Variants in TMEM132B observed in about 807,000 individuals in gnomAD.
TMEM132B encodes transmembrane protein 132B.
In TMEM132B, 18 loss-of-function variants were observed where a neutral mutation model predicts 90.8. The ratio of observed to expected loss-of-function variants is 0.20; its 90% CI spans 0.14 to 0.29. The LOEUF (loss-of-function observed/expected upper bound fraction) is 0.29. TMEM132B is among the 10% of genes least tolerant of loss of function. The probability of loss-of-function intolerance (pLI) is 1.00; values close to 1 mark genes in which losing one functional copy is unlikely to be tolerated. For missense variants in TMEM132B, 1,096 were observed against 1,326.8 expected (o/e 0.83, Z 2.70); for synonymous variants, 504 against 523.3 (o/e 0.96, Z 0.50).
intron 3 of TMEM132B, among the ~76,000 whole-genome samples, chr12:125,510,891 A>G (rs1727713967): frequency 6.6e-6 from 1 of 152,330 alleles, no homozygotes; most frequent in East Asian, 1.9e-4. Flanking sequence ...ATTTCCTTCT[A>G]TTTAAAAACA....
At chr12:125,531,575 C>T (rs531950355) in intron 4 of TMEM132B, among the ~76,000 whole-genome samples, 1 of 152,234 alleles carries the variant, frequency 6.6e-6, no homozygotes, top group South Asian at 2.1e-4. Context: ...ACAAGTTTGT[C>T]AGTATAATTA....
intron 2 of TMEM132B, among the ~76,000 whole-genome samples, chr12:125,414,920 C>T (rs1439791045): frequency 6.6e-6 from 1 of 152,224 alleles, no homozygotes; most frequent in Non-Finnish European, 1.5e-5. Flanking sequence ...GGCCTTTTCT[C>T]AATGGCAACA....
At chr12:125,576,926 G>C (rs1884953964) in intron 4 of TMEM132B, among the ~76,000 whole-genome samples, 1 of 151,060 alleles carries the variant, frequency 6.6e-6, no homozygotes, top group Non-Finnish European at 1.5e-5. Context: ...ATAATCATTA[G>C]GGATATTGGC....
intron 3 of TMEM132B, among the ~76,000 whole-genome samples, chr12:125,425,687 T>C (rs1351370670): frequency 6.6e-6 from 1 of 152,208 alleles, no homozygotes; most frequent in Non-Finnish European, 1.5e-5. Context: ...TGTCGTATAG[T>C]TGGACTCATA....
intron 5 of TMEM132B, among the ~76,000 whole-genome samples, chr12:125,601,288 T>G (rs1885565033): frequency 6.6e-6 from 1 of 152,136 alleles, no homozygotes; most frequent in African/African-American, 2.4e-5. Context: ...GAAATCAAAT[T>G]AGAACTAAGG....
chr12:125,525,298 CAA>C (rs1883418947), intron 4 of TMEM132B, among the ~76,000 whole-genome samples: 1 of 152,194 alleles, frequency 6.6e-6, no homozygotes, highest in Non-Finnish European at 1.5e-5. Context: ...GTGTCCTCTC[CAA>C]AATTCACGAG....
At chr12:125,317,626 C>T (rs1010661683) in intron 1 of TMEM132B, among the ~76,000 whole-genome samples, 3 of 151,998 alleles carry the variant, frequency 2.0e-5, no homozygotes, top group East Asian at 3.9e-4. Context: ...TATCCTCCTC[C>T]GTCATCAGCT....
At chr12:125,322,119 T>C (rs376582330) in intron 1 of TMEM132B, among the ~76,000 whole-genome samples, 1 of 152,238 alleles carries the variant, frequency 6.6e-6, no homozygotes, top group East Asian at 1.9e-4. Context: ...ATTATAGCTC[T>C]CATAATCCCC....
intron 1 of TMEM132B, among the ~76,000 whole-genome samples, chr12:125,221,783 G>T (rs1873564748): frequency 6.6e-6 from 1 of 152,236 alleles, no homozygotes; most frequent in Non-Finnish European, 1.5e-5. Flanking sequence ...TTCAGGGAAG[G>T]CTTCCTGGAG....
At chr12:125,563,607 A>ACAAAAC (rs1884596438) in intron 4 of TMEM132B, among the ~76,000 whole-genome samples, 4 of 149,696 alleles carry the variant, frequency 2.7e-5, no homozygotes, top group South Asian at 4.3e-4. Flanking sequence ...ACAAAAAAAA[A>ACAAAAC]CCCCACAGTA....
chr12:125,577,482 T>C (rs1195857590), intron 4 of TMEM132B, among the ~76,000 whole-genome samples: 1 of 150,282 alleles, frequency 6.7e-6, no homozygotes, highest in South Asian at 2.1e-4. Flanking sequence ...TGTATTAATG[T>C]ATAAATATTA....
intron 1 of TMEM132B, among the ~76,000 whole-genome samples, chr12:125,208,963 A>AGCTGTGTCCCCTCTGAGT (rs1873252486): frequency 1.3e-5 from 2 of 152,114 alleles, no homozygotes; most frequent in Non-Finnish European, 1.5e-5. Context: ...GGGGCTCTGT[A>AGCTGTGTCCCCTCTGAGT]GCTGTGTCCC....
At chr12:125,438,406 T>C (rs769502380) in intron 3 of TMEM132B, among the ~76,000 whole-genome samples, 3 of 152,236 alleles carry the variant, frequency 2.0e-5, no homozygotes, top group Non-Finnish European at 2.9e-5. Context: ...GCCCACGATC[T>C]GCTATACATG....
intron 3 of TMEM132B, among the ~76,000 whole-genome samples, chr12:125,516,867 C>T (rs1231807302): frequency 1.3e-5 from 2 of 152,172 alleles, no homozygotes; most frequent in African/African-American, 2.4e-5. Flanking sequence ...TTTGGTCTGA[C>T]AGGACCAAGC....
chr12:125,492,483 C>A lies in TMEM132B; in HGVS notation c.1107-26956C>A, dbSNP rs1263233782. On this transcript the variant is annotated intron_variant, in intron 3 of 8. Transcript: ENST00000682704. The surrounding 1 kb of genome is among the most constrained non-coding windows in gnomAD (Gnocchi z 5.8). ...CCGACTGCTCCTTCCTGGGATGTGC[C>A]GCCACCTCCCCAGGGCCTTTCCCTA... Among the ~76,000 whole-genome samples the A allele has an allele frequency of 6.6e-6, 1 of 152,090 alleles. No homozygotes were observed.
rs1425498960 is a variant in TMEM132B, at chr12:125,428,604, T to G, written c.1106+12927T>G. 2.0e-5 allele frequency among the ~76,000 whole-genome samples: 3 copies of G among 152,184 alleles called. No homozygotes were observed. In the East Asian group the frequency reaches 5.8e-4, roughly 29 times the overall value. ...TCCATCTTCCTTTTTCTCCGTTTCC[T>G]AGAGAAAATTCTCCATGATTTGAAA... On this transcript the variant is annotated intron_variant, in intron 3 of 8. Coordinates refer to ENST00000682704, the MANE Select transcript of TMEM132B (RefSeq NM_001366854.1).
intron 5 of TMEM132B, among the ~76,000 whole-genome samples, chr12:125,638,215 C>T (rs532768700): frequency 6.6e-6 from 1 of 152,290 alleles, no homozygotes; most frequent in East Asian, 1.9e-4. Flanking sequence ...CTAGCAGCCT[C>T]TCCTTGGCCT....
At chr12:125,269,802 G>C (rs377648985) in intron 1 of TMEM132B, among the ~76,000 whole-genome samples, 1 of 152,050 alleles carries the variant, frequency 6.6e-6, no homozygotes, top group Non-Finnish European at 1.5e-5. Flanking sequence ...ATCCAGAACT[G>C]GTATGGCAGC....
chr12:125,208,018 C>G (rs1873223131), intron 1 of TMEM132B, among the ~76,000 whole-genome samples: 1 of 152,216 alleles, frequency 6.6e-6, no homozygotes, highest in Non-Finnish European at 1.5e-5. Context: ...TAGCTAATGG[C>G]TACTGTGTTG....
Sources: allele counts gnomAD v4.1 joint callset (sites outside exome capture counted in the v4.1 genomes callset), GRCh38; gene constraint gnomAD v4.1.1; non-coding constraint Gnocchi (gnomAD v3.1); transcripts MANE v1.5; gene names NCBI Gene and HGNC (gene_info 2026-07-23, HGNC 2026-07-21).